GMFB: variants seen among roughly 807,000 people sequenced by gnomAD.
The protein encoded by GMFB is GMF-beta.
Under a neutral mutation model 25.6 loss-of-function variants are expected in GMFB, and 13 were observed. The observed-to-expected ratio is 0.51, with a 90% confidence interval of 0.33 to 0.81. The LOEUF (loss-of-function observed/expected upper bound fraction) is 0.81. GMFB is among the 30% of genes least tolerant of loss of function. The pLI, the probability that GMFB is intolerant of heterozygous loss-of-function variation, is 0.02. For synonymous variants in GMFB, 57 were observed against 56.9 expected, an observed-to-expected ratio of 1.00 and a Z score of 0.00; for missense variants, 146 against 175.4, an observed-to-expected ratio of 0.83 and a Z score of 0.95.
At chr14:54,478,805 A>G (rs2031673508) in intron 6 of GMFB, 1 of 152,132 alleles carries the variant, frequency 6.6e-6, no homozygotes, top group African/African-American at 2.4e-5. Context: ...CTGTTTTCCT[A>G]TCTACAGAAT....
intron 3 of GMFB, 116 bp from the exon 4 acceptor site, chr14:54,481,574 T>C: frequency 1.5e-6 from 1 of 669,428 alleles, no homozygotes; most frequent in South Asian, 1.7e-5. Flanking sequence ...TGCTACAAAA[T>C]AAAATTTTAT....
chr14:54,477,342 G>A lies in GMFB; in HGVS notation c.*746C>T, dbSNP rs1339182084. The A allele has an allele frequency of 1.3e-5, 2 of 152,384 alleles. No individual in the cohort carries two copies. The highest frequency in any genetic ancestry group is 6.6e-5 in the Admixed American group (1 of 15,256). The allele number at this position is 152,384 out of a possible 1,614,324, so 9.4% of individuals were successfully genotyped here. On this transcript the variant is annotated 3_prime_UTR_variant, in exon 7 of 7. Transcript: ENST00000358056. Reference sequence around the variant, plus strand: ...TAATTAGTGTTCACAGGACATTGAGGTGCTTTATAAATAAAGTGTTATTAA... The same window carrying A: ...TAATTAGTGTTCACAGGACATTGAGATGCTTTATAAATAAAGTGTTATTAA...
intron 2 of GMFB, 79 bp downstream of exon 2, chr14:54,483,592 G>A (rs965969487): frequency 1.2e-5 from 9 of 737,744 alleles, no homozygotes; most frequent in Middle Eastern, 2.4e-4. Flanking sequence ...CTTTCCAACG[G>A]TTCAGTTCAT....
At chr14:54,488,793 A>C in intron 1 of GMFB, 132 bp downstream of exon 1, 1 of 646,684 alleles carries the variant, frequency 1.5e-6, no homozygotes, top group South Asian at 2.2e-5. Context: ...GGCACTGGCC[A>C]GCTGCTGGGA....
intron 1 of GMFB, among the ~76,000 whole-genome samples, chr14:54,487,305 G>A (rs1185636463): frequency 7.0e-6 from 1 of 143,162 alleles, no homozygotes; most frequent in Non-Finnish European, 1.5e-5. Flanking sequence ...GCCGAGGCAG[G>A]TGGATCACGA....
At chr14:54,478,875 G>A (rs1469240418) in intron 6 of GMFB, 3 of 152,166 alleles carry the variant, frequency 2.0e-5, no homozygotes, top group African/African-American at 4.8e-5. Flanking sequence ...CTGGTAAACT[G>A]TAATGTCTCA....
chr14:54,483,182 T>C (rs1594634215), intron 2 of GMFB: 1 of 153,990 alleles, frequency 6.5e-6, no homozygotes, highest in Non-Finnish European at 1.4e-5. Flanking sequence ...CAAATCACTT[T>C]TTCCATTTTC....
chr14:54,475,733 C>A lies in GMFB; in HGVS notation c.*2355G>T, dbSNP rs143319681. 1,652 of 152,514 alleles carry A rather than the reference C, an allele frequency of 0.011. 36 individuals are homozygous for A. The highest frequency in any genetic ancestry group is 0.075 in the South Asian group (363 of 4,822). The allele number at this position is 152,514 out of a possible 1,614,324, so 9.4% of individuals were successfully genotyped here. The stretch of plus-strand genomic sequence containing the variant: ...CATTAGATGCTATGCAGAACTTATG[C>A]AGGGCCAAAAATTTCAAAACTAACA... On this transcript the variant is annotated 3_prime_UTR_variant, in exon 7 of 7. Transcript: ENST00000358056.
rs2031647957 is a variant in GMFB at position 54,476,954 on chromosome 14, T to A, written c.*1134A>T. On this transcript the variant is annotated 3_prime_UTR_variant, in exon 7 of 7. Coordinates refer to ENST00000358056, the MANE Select transcript of GMFB (RefSeq NM_004124.3). Reference sequence around the variant, plus strand: ...ACTGGTTTAGTTAACTATTCAGGCATCCAGTTCAGAATATCTTCTGACATT... The same window carrying A: ...ACTGGTTTAGTTAACTATTCAGGCAACCAGTTCAGAATATCTTCTGACATT... The A allele has an allele frequency of 6.6e-6, 1 of 151,994 alleles. No individual in the cohort carries two copies. Among genetic ancestry groups the A allele is most frequent in the Non-Finnish European group, 1.5e-5 (1 of 67,902 alleles). The allele number at this position is 151,994 out of a possible 1,614,324, so 9.4% of individuals were successfully genotyped here.
intron 5 of GMFB, 174 bp from the exon 6 acceptor site, chr14:54,480,033 CAGTTA>C: frequency 2.0e-6 from 1 of 503,882 alleles, no homozygotes; most frequent in South Asian, 2.8e-5. Flanking sequence ...CAGAAAGAGA[CAGTTA>C]AGTTATAAAT....
intron 1 of GMFB, chr14:54,484,099 C>A: frequency 2.7e-6 from 1 of 367,382 alleles, no homozygotes; most frequent in South Asian, 2.3e-5. Context: ...AGTCAAGAAT[C>A]ACTGTCTGCT....
intron 1 of GMFB, among the ~76,000 whole-genome samples, chr14:54,485,594 A>G (rs2031770716): frequency 6.6e-6 from 1 of 152,230 alleles, no homozygotes; most frequent in Non-Finnish European, 1.5e-5. Context: ...ATACTAACCC[A>G]AAGTGATCTA....
intron 5 of GMFB, chr14:54,480,632 T>C (rs1364112002): frequency 5.7e-6 from 2 of 349,088 alleles, no homozygotes; most frequent in Non-Finnish European, 1.0e-5. Flanking sequence ...AATACATGTA[T>C]GATTTGAGTC....
Position 54,474,893 on chromosome 14 carries a change from G to T in GMFB, c.*3195C>A, listed in dbSNP as rs764806435. 2.1e-4 allele frequency: 32 copies of T among 152,606 alleles called. No individual in the cohort carries two copies. Among genetic ancestry groups the T allele is most frequent in the Non-Finnish European group, 4.0e-4 (27 of 68,006 alleles). The allele number at this position is 152,606 out of a possible 1,614,324, so 9.5% of individuals were successfully genotyped here. A position where few individuals can be genotyped will look rare whatever the true frequency, so the allele number is the denominator to read the frequency against. Reference sequence around the variant, plus strand: ...AATTTCTCAAGAATATTCAGCTTGGGAGCATTGGTTTTAAGCGGTCTAGAA... The same window carrying T: ...AATTTCTCAAGAATATTCAGCTTGGTAGCATTGGTTTTAAGCGGTCTAGAA... On this transcript the variant is annotated 3_prime_UTR_variant, in exon 7 of 7. Coordinates refer to ENST00000358056, the MANE Select transcript of GMFB (RefSeq NM_004124.3).
At chr14:54,483,462 G>C in intron 2 of GMFB, 1 of 537,112 alleles carries the variant, frequency 1.9e-6, no homozygotes, top group Non-Finnish European at 3.3e-6. Flanking sequence ...GCTGATAAAA[G>C]GACTATGGGG....
At position 54,488,917 on chromosome 14, in the gene GMFB, C is replaced by G; in HGVS notation, c.3+8G>C. On this transcript the variant is annotated splice_region_variant and intron_variant, in intron 1 of 6. Coordinates refer to ENST00000358056, the MANE Select transcript of GMFB (RefSeq NM_004124.3). ...CCTCCGGCCCCCGCCCTCCCAGCGG[C>G]AACTCACCATTTTCCTTCCGGCCGT... 6.4e-7 allele frequency: 1 copy of G among 1,562,404 alleles called. No homozygotes were observed. The highest frequency in any genetic ancestry group is 8.6e-7 in the Non-Finnish European group (1 of 1,157,752).
chr14:54,488,809 A>G (rs1193327460), intron 1 of GMFB, 116 bp downstream of exon 1: 4 of 749,236 alleles, frequency 5.3e-6, no homozygotes, highest in Non-Finnish European at 8.1e-6. Flanking sequence ...TGGGAGCGGA[A>G]GCGGCCGCCG....
intron 2 of GMFB, chr14:54,483,453 C>A: frequency 1.9e-6 from 1 of 520,676 alleles, no homozygotes; most frequent in Non-Finnish European, 3.4e-6. Flanking sequence ...GTACAGGCAG[C>A]TGATAAAAGG....
chr14:54,488,762 A>T, intron 1 of GMFB, 163 bp downstream of exon 1: 1 of 547,182 alleles, frequency 1.8e-6, no homozygotes, highest in Non-Finnish European at 3.1e-6. Context: ...GCGGCGGCAG[A>T]GGCCAAGTAC....
Sources: allele counts gnomAD v4.1 joint callset (sites outside exome capture counted in the v4.1 genomes callset), GRCh38; gene constraint gnomAD v4.1.1; transcripts MANE v1.5; gene names NCBI Gene and HGNC (gene_info 2026-07-23, HGNC 2026-07-21).